TVP23A: variants seen among roughly 807,000 people sequenced by gnomAD.
TVP23A encodes the protein Golgi apparatus membrane protein TVP23 homolog A.
In TVP23A, 21 loss-of-function variants were observed where a neutral mutation model predicts 31.7. That is an observed-to-expected ratio of 0.66 (90% CI 0.47 to 0.95). The LOEUF (loss-of-function observed/expected upper bound fraction) is 0.95, where lower values mean the gene tolerates loss of function less well. Among genes scored for constraint, TVP23A ranks in the 40% least tolerant of loss-of-function variants. The probability of loss-of-function intolerance (pLI) is 0.00; values close to 1 mark genes in which losing one functional copy is unlikely to be tolerated. For missense variants in TVP23A, 279 were observed against 255.6 expected (o/e 1.09, Z -0.62); for synonymous variants, 104 against 96.0 (o/e 1.08, Z -0.49).
At chr16:10,774,446 C>T (rs1048290276) in intron 3 of TVP23A, among the ~76,000 whole-genome samples, 2 of 152,020 alleles carry the variant, frequency 1.3e-5, no homozygotes, top group South Asian at 2.1e-4. Flanking sequence ...CTTGAATTGT[C>T]GCTTCCATAA....
At chr16:10,771,852 T>G (rs1207478218) in intron 5 of TVP23A, 54 bp from the exon 6 acceptor site, 18 of 1,539,538 alleles carry the variant, frequency 1.2e-5, no homozygotes, top group African/African-American at 4.1e-5. Context: ...AGAGTTTCGC[T>G]CTGTCGCCCA....
In TVP23A at chr16:10,767,752, G is replaced by A. The variant is rs910944367; in HGVS notation, c.*1350C>T. 9.7e-5 allele frequency: 57 copies of A among 588,100 alleles called. No individual in the cohort carries two copies. The highest frequency in any genetic ancestry group is 4.9e-4 in the African/African-American group (26 of 53,520). The allele number at this position is 588,100 out of a possible 1,614,324, so 36.4% of individuals were successfully genotyped here. ...GTACACCACCTGATTATTTAGCCAC[G>A]CTGAAATGCTGGCTGGGGACCCTGC... On this transcript the variant is annotated 3_prime_UTR_variant, in exon 8 of 8. Transcript: ENST00000299866. The surrounding 1 kb of genome is among the most constrained non-coding windows in gnomAD (Gnocchi z 4.6).
intron 2 of TVP23A, among the ~76,000 whole-genome samples, chr16:10,817,395 G>T (rs531157323): frequency 6.6e-6 from 1 of 152,352 alleles, no homozygotes; most frequent in East Asian, 1.9e-4. Flanking sequence ...GCAGAACTGG[G>T]TGGGTGAGTG....
Position 10,777,058 on chromosome 16 carries a change from G to T in TVP23A, c.90-1962C>A, listed in dbSNP as rs1406570824. 6.6e-6 allele frequency among the ~76,000 whole-genome samples: 1 copy of T among 152,150 alleles called. No individual in the cohort carries two copies. Among genetic ancestry groups the T allele is most frequent in the Non-Finnish European group, 1.5e-5 (1 of 68,038 alleles). On this transcript the variant is annotated intron_variant, in intron 2 of 7. Coordinates refer to ENST00000299866, the MANE Select transcript of TVP23A (RefSeq NM_001079512.4). This position sits in a 1 kb window ranked among gnomAD's most constrained non-coding sequence, Gnocchi z 4.5. ...AATGCCTTAACCGTCCAGGAATGCA[G>T]CCCAGTAGGTCTCAGCCTCGTTTTA...
intron 2 of TVP23A, among the ~76,000 whole-genome samples, chr16:10,797,662 G>T (rs1411063796): frequency 6.6e-6 from 1 of 152,000 alleles, no homozygotes; most frequent in Non-Finnish European, 1.5e-5. Context: ...GGAGGTTGCA[G>T]TGAGCTAAGA....
chr16:10,774,509 A>G (rs2031857308), intron 3 of TVP23A, among the ~76,000 whole-genome samples: 1 of 151,690 alleles, frequency 6.6e-6, no homozygotes, highest in Non-Finnish European at 1.5e-5. Context: ...TCATACAGGC[A>G]GTTTCCCCCA....
At chr16:10,784,682 A>G (rs1030719155) in intron 2 of TVP23A, among the ~76,000 whole-genome samples, 1 of 152,256 alleles carries the variant, frequency 6.6e-6, no homozygotes, top group African/African-American at 2.4e-5. Context: ...TGGTTCATCA[A>G]GTGTAACACA....
exon 9 of TVP23A, chr16:10,761,461 G>A: frequency 6.2e-7 from 1 of 1,613,966 alleles, no homozygotes; most frequent in Non-Finnish European, 8.5e-7. Context: ...GGCTTCATCT[G>A]TCCTAAGTGC....
In TVP23A at chr16:10,774,879, C is replaced by T. The variant is rs1365065665; in HGVS notation, c.234+73G>A. The T allele has an allele frequency of 3.6e-6, 5 of 1,395,162 alleles. No individual in the cohort carries two copies. In the South Asian group the frequency reaches 6.3e-5, roughly 17 times the overall value. 86.4% of individuals were successfully genotyped at this position (1,395,162 alleles called of 1,614,324 possible). On this transcript the variant is annotated intron_variant, in intron 3 of 7. Coordinates refer to ENST00000299866, the MANE Select transcript of TVP23A (RefSeq NM_001079512.4). ...TGTCTCAGGAGTCTAAACCAAAGTACCTCTTGGTACCACGCACACAGGGGA... is the reference window on the plus strand; with the variant it reads ...TGTCTCAGGAGTCTAAACCAAAGTATCTCTTGGTACCACGCACACAGGGGA...
chr16:10,776,971 T>G (rs2032068970), intron 2 of TVP23A, among the ~76,000 whole-genome samples: 2 of 152,170 alleles, frequency 1.3e-5, no homozygotes, highest in Admixed American at 1.3e-4. Flanking sequence ...GCAACCTGTT[T>G]TATCAGCAAG....
chr16:10,761,822 C>CCCTCT, downstream of TVP23A: 1 of 1,614,132 alleles, frequency 6.2e-7, no homozygotes, highest in African/African-American at 1.3e-5. Flanking sequence ...ACTTGGAGGT[C>CCCTCT]CCTCTCCTCG....
chr16:10,762,635 C>G (rs932305117), downstream of TVP23A, among the ~76,000 whole-genome samples: 6 of 152,194 alleles, frequency 3.9e-5, no homozygotes, highest in African/African-American at 1.4e-4. Flanking sequence ...GAGGGGAGAA[C>G]AGAGAGAGAA....
intron 2 of TVP23A, among the ~76,000 whole-genome samples, chr16:10,776,643 A>C (rs2032044258): frequency 6.6e-6 from 1 of 152,348 alleles, no homozygotes; most frequent in Middle Eastern, 3.4e-3. Context: ...CACCCAAGAA[A>C]GAATTCAGGG....
At chr16:10,771,412 G>T (rs993268815) in intron 6 of TVP23A, among the ~76,000 whole-genome samples, 4 of 152,050 alleles carry the variant, frequency 2.6e-5, no homozygotes, top group Non-Finnish European at 5.9e-5. Context: ...GTACACACCT[G>T]TAGTCCCAAC....
intron 2 of TVP23A, among the ~76,000 whole-genome samples, chr16:10,781,527 G>C (rs2032422288): frequency 6.6e-6 from 1 of 152,170 alleles, no homozygotes; most frequent in Non-Finnish European, 1.5e-5. Flanking sequence ...GGGAAGCACA[G>C]TAGATTCTCA....
chr16:10,800,864 A>T (rs1188639593), intron 2 of TVP23A, among the ~76,000 whole-genome samples: 2 of 152,084 alleles, frequency 1.3e-5, no homozygotes, highest in Non-Finnish European at 2.9e-5. Flanking sequence ...GGTGGTGCAC[A>T]CCTGTGGTCT....
At chr16:10,812,437 C>T (rs2034247874) in intron 2 of TVP23A, among the ~76,000 whole-genome samples, 1 of 152,166 alleles carries the variant, frequency 6.6e-6, no homozygotes, top group African/African-American at 2.4e-5. Context: ...AAAGCAGAAT[C>T]TCAAAAAGAG....
rs1015181144 is a variant in TVP23A, at chr16:10,818,329, G to A, written c.10-147C>T. On this transcript the variant is annotated intron_variant, in intron 1 of 7. Coordinates refer to ENST00000299866, the MANE Select transcript of TVP23A (RefSeq NM_001079512.4). This position sits in a 1 kb window ranked among gnomAD's most constrained non-coding sequence, Gnocchi z 4.7. ...GAGCTGGCGGGGCCCCTCCGCTGCG[G>A]CTGCAGTGCAAAGCCCTCTCCACCC... 54 of 1,356,716 alleles carry A rather than the reference G, an allele frequency of 4.0e-5. No individual in the cohort carries two copies. The highest frequency in any genetic ancestry group is 5.3e-5 in the Non-Finnish European group (52 of 989,876). The allele number at this position is 1,356,716 out of a possible 1,614,324, so 84.0% of individuals were successfully genotyped here.
At chr16:10,808,690 T>C (rs1188440881) in intron 2 of TVP23A, 5 of 367,330 alleles carry the variant, frequency 1.4e-5, no homozygotes, top group Admixed American at 6.5e-5. Flanking sequence ...GAAGGGAGGA[T>C]TGCTTGAGCT....
Sources: allele counts gnomAD v4.1 joint callset (sites outside exome capture counted in the v4.1 genomes callset), GRCh38; gene constraint gnomAD v4.1.1; non-coding constraint Gnocchi (gnomAD v3.1); transcripts MANE v1.5; gene names NCBI Gene and HGNC (gene_info 2026-07-23, HGNC 2026-07-21).